Variants in SOCS2 observed in about 807,000 individuals in gnomAD.
SOCS2 encodes CIS-2.
SOCS2 carries 10 observed loss-of-function variants against 18.6 expected under a neutral mutation model. The observed-to-expected ratio is 0.54, with a 90% CI of 0.33 to 0.91. The LOEUF is 0.91. SOCS2 is among the 40% of genes least tolerant of loss of function. SOCS2 has a pLI of 0.02. For synonymous variants in SOCS2, 104 were observed against 104.0 expected, an observed-to-expected ratio of 1.00 and a Z score of 0.00; for missense variants, 231 against 247.2, an observed-to-expected ratio of 0.93 and a Z score of 0.44.
the SOCS2 span, among the ~76,000 whole-genome samples, chr12:93,589,537 C>T: frequency 2.0e-5 from 3 of 152,162 alleles, no homozygotes; most frequent in Non-Finnish European, 4.4e-5. Context: ...GAAATGTCCC[C>T]ATTCCCTTTT....
At position 93,572,782 on chromosome 12, in the gene SOCS2, C is replaced by T; in HGVS notation, c.-116C>T. ...ATCCCTTCTCTCTCTGCCACCATTT[C>T]GGACACCCCGCAGGGACTCGTTTTG... On this transcript the variant is annotated 5_prime_UTR_variant, in exon 1 of 2. Coordinates refer to ENST00000551556, the MANE Select transcript of SOCS2 (RefSeq NM_001270471.2). This position sits in a 1 kb window ranked among gnomAD's most constrained non-coding sequence, Gnocchi z 5.0. The T allele has an allele frequency of 2.3e-6, 3 of 1,329,816 alleles. No homozygotes were observed. Among genetic ancestry groups the T allele is most frequent in the Non-Finnish European group, 3.2e-6 (3 of 951,844 alleles). The allele number at this position is 1,329,816 out of a possible 1,614,324, so 82.4% of individuals were successfully genotyped here.
the SOCS2 span, among the ~76,000 whole-genome samples, chr12:93,610,918 A>C: frequency 6.6e-6 from 1 of 152,202 alleles, no homozygotes; most frequent in African/African-American, 2.4e-5. Flanking sequence ...GGAATGGACT[A>C]AGACACACTT....
At chr12:93,579,750 C>T (rs1404982611), downstream of SOCS2, among the ~76,000 whole-genome samples, 1 of 152,160 alleles carries the variant, frequency 6.6e-6, no homozygotes, top group African/African-American at 2.4e-5. Flanking sequence ...TCTAAAAGTC[C>T]TGGAGTCCCC....
rs779662928 is a variant in SOCS2, at chr12:93,574,933, A to G, written c.351A>G (p.Lys117=). 1.9e-6 allele frequency: 3 copies of G among 1,614,222 alleles called. No homozygotes were observed. Among genetic ancestry groups the G allele is most frequent in the Non-Finnish European group, 2.5e-6 (3 of 1,180,034 alleles). The change falls in exon 2 of 2, where the codon AAA becomes AAG. Residue 117 remains lysine, a synonymous_variant. Coordinates refer to ENST00000551556, the MANE Select transcript of SOCS2 (RefSeq NM_001270471.2). ...TCATATGTGTCAAATCCAAGCTTAAACAATTTGACAGTGTGGTTCATCTGA... is the reference window on the plus strand; with the variant it reads ...TCATATGTGTCAAATCCAAGCTTAAGCAATTTGACAGTGTGGTTCATCTGA... The part of the protein sequence containing the change: ...DSIICVKSKL[K]QFDSVVHLID...
chr12:93,585,743 C>A (rs967978452), downstream of SOCS2, among the ~76,000 whole-genome samples: 30 of 152,122 alleles, frequency 2.0e-4, no homozygotes, highest in Non-Finnish European at 3.2e-4. Flanking sequence ...AAGGAAAGAT[C>A]TCAAGCCTTG....
chr12:93,601,762 A>G, the SOCS2 span, among the ~76,000 whole-genome samples: 16 of 152,220 alleles, frequency 1.1e-4, no homozygotes, highest in African/African-American at 3.6e-4. Context: ...ATATATGGGT[A>G]AAAATTAAGC....
intron 1 of SOCS2, chr12:93,574,201 ATTCT>A (rs1374895577): frequency 3.4e-5 from 4 of 116,392 alleles, no homozygotes; most frequent in Admixed American, 9.1e-5. Context: ...GGCTTTGCAG[ATTCT>A]TTTTTTTTTT....
the SOCS2 span, among the ~76,000 whole-genome samples, chr12:93,616,356 T>C: frequency 1.3e-5 from 2 of 152,138 alleles, no homozygotes; most frequent in South Asian, 4.2e-4. Context: ...AAATCCAGTT[T>C]TCTTGGTTTG....
chr12:93,591,251 A>C, the SOCS2 span, among the ~76,000 whole-genome samples: 13 of 151,526 alleles, frequency 8.6e-5, no homozygotes, highest in Non-Finnish European at 1.5e-4. Context: ...TAAAAAAAAA[A>C]CAAACGAACA....
chr12:93,614,393 CT>C, the SOCS2 span, among the ~76,000 whole-genome samples: 6 of 140,318 alleles, frequency 4.3e-5, 1 homozygote, highest in East Asian at 1.2e-3. Context: ...TTCTTTCTTT[CT>C]TTCTTTCTTT....
chr12:93,616,335 T>C, the SOCS2 span, among the ~76,000 whole-genome samples: 4 of 152,308 alleles, frequency 2.6e-5, no homozygotes, highest in African/African-American at 9.6e-5. Flanking sequence ...TACCAAGAGA[T>C]GGAGAGAATG....
At chr12:93,585,014 C>T (rs868639224), downstream of SOCS2, among the ~76,000 whole-genome samples, 1 of 152,120 alleles carries the variant, frequency 6.6e-6, no homozygotes, top group African/African-American at 2.4e-5. Flanking sequence ...TCACCTGTCT[C>T]GGCCTCCCAA....
chr12:93,620,163 AT>A, the SOCS2 span, among the ~76,000 whole-genome samples: 2 of 152,168 alleles, frequency 1.3e-5, no homozygotes, highest in East Asian at 1.9e-4. Context: ...AAGAAAAAAA[AT>A]CACTTAAATG....
chr12:93,601,973 A>G, the SOCS2 span, among the ~76,000 whole-genome samples: 1 of 152,254 alleles, frequency 6.6e-6, no homozygotes, highest in South Asian at 2.1e-4. Context: ...GCTGATGACC[A>G]TCAGCATGTA....
At chr12:93,584,584 C>T (rs756238010), downstream of SOCS2, among the ~76,000 whole-genome samples, 4 of 152,120 alleles carry the variant, frequency 2.6e-5, no homozygotes, top group Non-Finnish European at 5.9e-5. Context: ...CTGCTAGTCA[C>T]ATGTAGGTAA....
At chr12:93,610,351 G>T in the SOCS2 span, among the ~76,000 whole-genome samples, 1 of 152,066 alleles carries the variant, frequency 6.6e-6, no homozygotes, top group African/African-American at 2.4e-5. Flanking sequence ...CTGCCTGGAG[G>T]ATTTGTTCAA....
Position 93,572,726 on chromosome 12 carries a change from C to G in SOCS2, c.-172C>G, listed in dbSNP as rs41477552. On this transcript the variant is annotated 5_prime_UTR_variant, in exon 1 of 2. Transcript: ENST00000551556. The surrounding 1 kb of genome is among the most constrained non-coding windows in gnomAD (Gnocchi z 5.0). ...CGCGGCTGCGAGGGACTTTGTCATC[C>G]GTCCTCCAGGATCTGGGGAGAAAGA... 0.025 allele frequency: 21,860 copies of G among 870,100 alleles called. 391 individuals carry two copies. Among genetic ancestry groups the G allele is most frequent in the Non-Finnish European group, 0.032 (17,435 of 538,264 alleles). The allele number at this position is 870,100 out of a possible 1,614,324, so 53.9% of individuals were successfully genotyped here.
the SOCS2 span, among the ~76,000 whole-genome samples, chr12:93,619,745 AC>A: frequency 6.6e-6 from 1 of 152,102 alleles, no homozygotes; most frequent in Non-Finnish European, 1.5e-5. Context: ...ATTACACTAA[AC>A]ATATATTGCA....
the SOCS2 span, among the ~76,000 whole-genome samples, chr12:93,607,242 G>C: frequency 6.6e-6 from 1 of 152,126 alleles, no homozygotes; most frequent in Non-Finnish European, 1.5e-5. Context: ...GATTTTCTAG[G>C]AATGGTTTTA....
Sources: gnomAD v4.1 joint callset for allele counts (sites outside exome capture counted in the v4.1 genomes callset) on GRCh38, gnomAD v4.1.1 for gene constraint, Gnocchi (gnomAD v3.1) non-coding constraint, MANE v1.5 for transcripts, NCBI Gene and HGNC (gene_info 2026-07-23, HGNC 2026-07-21) for gene names.